Variants in FAM178B observed in about 807,000 individuals in gnomAD.
FAM178B encodes family with sequence similarity 178 member B.
A neutral mutation model predicts 91.7 loss-of-function variants in FAM178B; 82 were observed. That is an observed-to-expected ratio of 0.89 (90% CI 0.75 to 1.07). The LOEUF is 1.07. FAM178B is among the 50% of genes least tolerant of loss of function. The pLI is 0.00. For synonymous variants in FAM178B, 368 were observed against 359.4 expected (o/e 1.02, Z -0.27); for missense variants, 769 against 846.7 (o/e 0.91, Z 1.14).
intron 1 of FAM178B, among the ~76,000 whole-genome samples, 152 bp from the exon 2 acceptor site, chr2:96,972,758 G>A (rs77169098): frequency 0.02 from 3,043 of 152,336 alleles, 51 homozygotes; most frequent in Non-Finnish European, 0.033. Flanking sequence ...AGGTCAAGTT[G>A]CTGAGATGGA....
chr2:96,920,384 G>A (rs1318608631), intron 12 of FAM178B, among the ~76,000 whole-genome samples: 2 of 152,234 alleles, frequency 1.3e-5, no homozygotes, highest in East Asian at 1.9e-4. Flanking sequence ...GGCACATCAC[G>A]AGGTCAGGAG....
intron 14 of FAM178B, among the ~76,000 whole-genome samples, chr2:96,886,952 C>T (rs539049136): frequency 2.6e-4 from 39 of 152,284 alleles, no homozygotes; most frequent in African/African-American, 8.9e-4. Context: ...CGGTGGCTCA[C>T]GCCTGTAATC....
chr2:96,984,002 G>A (rs192568336), intron 1 of FAM178B, among the ~76,000 whole-genome samples: 4 of 151,610 alleles, frequency 2.6e-5, no homozygotes, highest in East Asian at 1.9e-4. Context: ...AGACAGTTTC[G>A]CTTATTGCCC....
chr2:96,916,777 C>T (rs1190465006), intron 12 of FAM178B, among the ~76,000 whole-genome samples: 1 of 152,178 alleles, frequency 6.6e-6, no homozygotes, highest in African/African-American at 2.4e-5. Context: ...GCAGGGGCTG[C>T]GGGTGTACTG....
intron 12 of FAM178B, among the ~76,000 whole-genome samples, chr2:96,915,479 TG>T (rs1225161472): frequency 7.3e-5 from 11 of 151,534 alleles, no homozygotes; most frequent in Non-Finnish European, 1.0e-4. Flanking sequence ...GAACTGGCTG[TG>T]GGGGTAAGAG....
rs1230570827 is a variant in FAM178B, at chr2:96,967,521, T to G, written c.733A>C (p.Arg245=). Residue 245 remains arginine (R), a splice_region_variant and synonymous_variant, in exon 5 of 17, where the codon AGG becomes CGG. Coordinates refer to ENST00000490605, the MANE Select transcript of FAM178B (RefSeq NM_001122646.3). ...TGGTGCCAGGCCCCTGCCCCTCACC[T>G]GTGCTCGGGTGTGAGTGGCACTTCC... ...EEEVPLTPEH[R]MLVEKYSVSL... The G allele has an allele frequency of 6.5e-7, 1 of 1,540,456 alleles. No individual in the cohort carries two copies. Among genetic ancestry groups the G allele is most frequent in the Non-Finnish European group, 8.8e-7 (1 of 1,138,488 alleles).
intron 8 of FAM178B, among the ~76,000 whole-genome samples, chr2:96,939,506 A>G (rs2153372459): frequency 6.6e-6 from 1 of 152,300 alleles, no homozygotes; most frequent in South Asian, 2.1e-4. Flanking sequence ...AAAACAAAAC[A>G]AAACAAACAA....
rs146287890 is a variant in FAM178B, at chr2:96,893,746, G to A, written c.1776+180C>T. ...GGCACGGGTAACAGCACTAATTACA[G>A]GTGAGATGCTGAGCACCTCTGCTCA... On this transcript the variant is annotated intron_variant, in intron 14 of 16. Transcript: ENST00000490605. Among the ~76,000 whole-genome samples, 39 of 152,280 alleles carry A rather than the reference G, an allele frequency of 2.6e-4. No homozygotes were observed. The Middle Eastern group carries it at 0.014, about 53-fold the overall frequency.
intron 13 of FAM178B, among the ~76,000 whole-genome samples, chr2:96,901,298 G>A (rs377719579): frequency 1.3e-5 from 2 of 151,130 alleles, no homozygotes; most frequent in Non-Finnish European, 2.9e-5. Context: ...TCAGTCTCCC[G>A]AGTAGCTGGG....
chr2:96,964,435 C>G (rs1041381262), intron 5 of FAM178B, among the ~76,000 whole-genome samples: 2 of 152,108 alleles, frequency 1.3e-5, no homozygotes, highest in African/African-American at 4.8e-5. Flanking sequence ...AATAATACCT[C>G]GGCCAGGCTC....
At chr2:96,975,018 G>C (rs886621840) in intron 1 of FAM178B, among the ~76,000 whole-genome samples, 11 of 148,120 alleles carry the variant, frequency 7.4e-5, no homozygotes, top group Admixed American at 2.1e-4. Context: ...TTGAACCCGG[G>C]AGGCGGAGGT....
At chr2:96,986,112 C>T in intron 1 of FAM178B, 129 bp downstream of exon 1, 1 of 1,465,934 alleles carries the variant, frequency 6.8e-7, no homozygotes, top group South Asian at 1.4e-5. Flanking sequence ...TGAAAAGCGC[C>T]AGAGTAGCCC....
chr2:96,967,911 C>CTTTTTTGTTTTTTTTTTTTT (rs2082165917), intron 4 of FAM178B, among the ~76,000 whole-genome samples: 2 of 62,416 alleles, frequency 3.2e-5, no homozygotes, highest in Non-Finnish European at 6.0e-5. Context: ...CCTGTTTGGT[C>CTTTTTTGTTTTTTTTTTTTT]TTTTTTTTTT....
chr2:96,894,117 G>A, intron 13 of FAM178B, 66 bp from the exon 14 acceptor site: 3 of 1,536,642 alleles, frequency 2.0e-6, no homozygotes, highest in Non-Finnish European at 2.6e-6. Context: ...GTGCTCCCGG[G>A]AATCGGCCTG....
intron 8 of FAM178B, among the ~76,000 whole-genome samples, chr2:96,945,973 G>C (rs2081820828): frequency 6.6e-6 from 1 of 152,084 alleles, no homozygotes; most frequent in African/African-American, 2.4e-5. Flanking sequence ...CTGAAACTCT[G>C]TACTCATTAA....
At chr2:96,942,031 A>C (rs1163239915) in intron 8 of FAM178B, among the ~76,000 whole-genome samples, 1 of 152,254 alleles carries the variant, frequency 6.6e-6, no homozygotes. Context: ...TCAGCAGGTT[A>C]ATATATACAA....
chr2:96,881,439 G>C (rs1414074364), intron 14 of FAM178B, among the ~76,000 whole-genome samples: 1 of 152,030 alleles, frequency 6.6e-6, no homozygotes, highest in Non-Finnish European at 1.5e-5. Context: ...AGAATGTGTG[G>C]GACTGGGAGG....
rs559244924 is a variant in FAM178B at position 96,971,977 on chromosome 2, G to A, written c.488C>T (p.Pro163Leu). 9 of 1,562,552 alleles carry A rather than the reference G, an allele frequency of 5.8e-6. No individual in the cohort carries two copies. The highest frequency in any genetic ancestry group is 2.4e-5 in the East Asian group (1 of 42,336). ...CTCTGGCAAGGCCAGGCCCCTCTTC[G>A]GGTCCAAGTCCAGGTGTTCCTGCTC... ...ELEQEHLDLD[P>L]KRGLALPEKL... is the part of the protein sequence containing the mutation. The change falls in exon 3 of 17, where the codon CCG (proline) becomes CTG (leucine). Residue 163 changes from proline (P) to leucine (L), a missense_variant. Pro to Leu is a moderately conservative substitution (Grantham distance 98, BLOSUM62 -3). Transcript: ENST00000490605.
At chr2:96,904,751 G>A (rs1362690847) in intron 12 of FAM178B, among the ~76,000 whole-genome samples, 4 of 151,936 alleles carry the variant, frequency 2.6e-5, no homozygotes, top group African/African-American at 7.2e-5. Flanking sequence ...AGTACTCCAC[G>A]CCTGCAGTCC....
Sources: allele counts gnomAD v4.1 joint callset (sites outside exome capture counted in the v4.1 genomes callset), GRCh38; gene constraint gnomAD v4.1.1; transcripts MANE v1.5; gene names NCBI Gene and HGNC (gene_info 2026-07-23, HGNC 2026-07-21).